The following RSBN1L variants were observed in gnomAD, a reference collection of about 807,000 sequenced individuals.
RSBN1L encodes lysine-specific demethylase RSBN1L.
A neutral mutation model predicts 67.7 loss-of-function variants in RSBN1L; 30 were observed. The ratio of observed to expected loss-of-function variants is 0.44; its 90% CI spans 0.33 to 0.60. The LOEUF (loss-of-function observed/expected upper bound fraction) is 0.60, where lower values mean the gene tolerates loss of function less well. RSBN1L is among the 20% of genes least tolerant of loss of function. The probability of loss-of-function intolerance (pLI) is 0.02; values close to 1 mark genes in which losing one functional copy is unlikely to be tolerated. For missense variants in RSBN1L, 992 were observed against 1,031.7 expected (o/e 0.96, Z 0.53); for synonymous variants, 433 against 387.0 (o/e 1.12, Z -1.39).
rs1439301596 is a variant in RSBN1L at position 77,765,596 on chromosome 7, G to A, written c.1446G>A (p.Glu482=). Reference sequence around the variant, plus strand: ...AAGAAGTAGGAGATTATTTCCCTGAGTTCCTTGACATGTTGGAAGAGTCAC... The same window carrying A: ...AAGAAGTAGGAGATTATTTCCCTGAATTCCTTGACATGTTGGAAGAGTCAC... ...VDEEVGDYFP[E]FLDMLEESPF... Residue 482 remains glutamate (E), a synonymous_variant, in exon 4 of 8, where the codon GAG becomes GAA. Transcript: ENST00000334955. The A allele has an allele frequency of 6.2e-7, 1 of 1,609,940 alleles. No individual in the cohort carries two copies. Among genetic ancestry groups the A allele is most frequent in the Non-Finnish European group, 8.5e-7 (1 of 1,177,526 alleles).
At chr7:77,743,053 A>G (rs1791434335) in intron 2 of RSBN1L, among the ~76,000 whole-genome samples, 1 of 110,088 alleles carries the variant, frequency 9.1e-6, no homozygotes, top group Non-Finnish European at 1.8e-5. Context: ...ATAGTTTTCC[A>G]TGGGAATTTT....
At position 77,707,021 on chromosome 7, in the gene RSBN1L, G is replaced by C. The variant is rs1790901306; in HGVS notation, c.586+9966G>C. 1.4e-5 allele frequency among the ~76,000 whole-genome samples: 2 copies of C among 146,816 alleles called. 1 individual carries two copies. On this transcript the variant is annotated intron_variant, in intron 1 of 7. Coordinates refer to ENST00000334955, the MANE Select transcript of RSBN1L (RefSeq NM_198467.3). ...ACCCGTATGAATTCCCATTAAACTA[G>C]ATTTTTTTTTTTTTTTTTTTGAAAC...
At chr7:77,765,696 G>C in intron 4 of RSBN1L, 64 bp downstream of exon 4, 1 of 1,143,498 alleles carries the variant, frequency 8.7e-7, no homozygotes, top group Non-Finnish European at 1.2e-6. Context: ...AAACCAATAT[G>C]AGTAATCTAA....
At chr7:77,702,433 C>G (rs902996398) in intron 1 of RSBN1L, among the ~76,000 whole-genome samples, 2 of 151,884 alleles carry the variant, frequency 1.3e-5, no homozygotes, top group African/African-American at 4.8e-5. Context: ...TTTGGTTTTT[C>G]TTACTTATTT....
chr7:77,767,062 T>TTTCCCCTTCCCTTCCCC (rs1415176902), intron 4 of RSBN1L, among the ~76,000 whole-genome samples: 1 of 103,560 alleles, frequency 9.7e-6, no homozygotes, highest in Non-Finnish European at 1.9e-5. Context: ...TCCCCTTCCC[T>TTTCCCCTTCCCTTCCCC]TTCCCCTTCC....
chr7:77,756,709 C>T (rs1791623309), intron 3 of RSBN1L, among the ~76,000 whole-genome samples: 2 of 152,018 alleles, frequency 1.3e-5, no homozygotes, highest in Non-Finnish European at 1.5e-5. Flanking sequence ...ATCCAGGAGG[C>T]GGAGGGTGCA....
chr7:77,763,016 C>G (rs1791715277), intron 3 of RSBN1L, among the ~76,000 whole-genome samples: 1 of 152,058 alleles, frequency 6.6e-6, no homozygotes, highest in South Asian at 2.1e-4. Flanking sequence ...TAGAATGAAC[C>G]AACTCAGTGG....
At position 77,781,897 on chromosome 7, in the gene RSBN1L, A is replaced by G. The variant is rs528648254; in HGVS notation, c.*2729A>G. The G allele has an allele frequency of 6.9e-6, 1 of 145,690 alleles. No homozygotes were observed. The highest frequency in any genetic ancestry group is 2.1e-4 in the East Asian group (1 of 4,782). 9.0% of individuals were successfully genotyped at this position (145,690 alleles called of 1,614,324 possible). A position where few individuals can be genotyped will look rare whatever the true frequency, so the allele number is the denominator to read the frequency against. On this transcript the variant is annotated 3_prime_UTR_variant, in exon 8 of 8. Coordinates refer to ENST00000334955, the MANE Select transcript of RSBN1L (RefSeq NM_198467.3). ...CTACTTGGGAGGCTGAGGCAGGGGA[A>G]TTGCTTGAACCCGGGAGGAGAAGGT... is the stretch of plus-strand genomic sequence containing the variant.
At chr7:77,704,257 A>C (rs1233460555) in intron 1 of RSBN1L, among the ~76,000 whole-genome samples, 1 of 152,216 alleles carries the variant, frequency 6.6e-6, no homozygotes, top group Admixed American at 6.5e-5. Flanking sequence ...CAGAAGTTTT[A>C]AGTTGATTAT....
At chr7:77,751,681 A>G (rs898643336) in intron 3 of RSBN1L, among the ~76,000 whole-genome samples, 2 of 152,188 alleles carry the variant, frequency 1.3e-5, no homozygotes, top group Non-Finnish European at 2.9e-5. Context: ...TGTGCCAAGG[A>G]CTAGTTGTTC....
intron 5 of RSBN1L, 115 bp from the exon 6 acceptor site, chr7:77,773,032 G>T: frequency 1.8e-6 from 1 of 547,430 alleles, no homozygotes; most frequent in Admixed American, 3.5e-5. Flanking sequence ...TTTAAAGATA[G>T]AATTTGATTT....
At chr7:77,714,491 T>C (rs1331761204) in intron 1 of RSBN1L, among the ~76,000 whole-genome samples, 3 of 152,238 alleles carry the variant, frequency 2.0e-5, no homozygotes, top group Non-Finnish European at 2.9e-5. Context: ...TCACTTGTTA[T>C]ATTACTTTTG....
chr7:77,736,840 A>G (rs959174291), intron 2 of RSBN1L, among the ~76,000 whole-genome samples: 1 of 152,174 alleles, frequency 6.6e-6, no homozygotes, highest in African/African-American at 2.4e-5. Flanking sequence ...TCTAAAAGGA[A>G]GAAATTAAGA....
intron 1 of RSBN1L, among the ~76,000 whole-genome samples, chr7:77,733,473 T>C (rs1192708873): frequency 6.6e-6 from 1 of 152,238 alleles, no homozygotes; most frequent in African/African-American, 2.4e-5. Context: ...TTATTTAATA[T>C]CATACCCGAG....
intron 1 of RSBN1L, among the ~76,000 whole-genome samples, chr7:77,729,261 G>T (rs971942160): frequency 6.6e-6 from 1 of 152,188 alleles, no homozygotes; most frequent in African/African-American, 2.4e-5. Context: ...TATGGCTGCA[G>T]TTGGAAGGAG....
intron 1 of RSBN1L, among the ~76,000 whole-genome samples, chr7:77,718,226 G>C (rs931553437): frequency 3.3e-5 from 5 of 152,184 alleles, no homozygotes; most frequent in Non-Finnish European, 5.9e-5. Flanking sequence ...GCGTTTGATT[G>C]TGTTTATAGC....
rs1790736241 is a variant in RSBN1L at position 77,696,811 on chromosome 7, C to T, written c.342C>T (p.Ser114=). 1 of 1,613,614 alleles carries T rather than the reference C, an allele frequency of 6.2e-7. No individual in the cohort carries two copies. The highest frequency in any genetic ancestry group is 1.3e-5 in the African/African-American group (1 of 74,944). The change falls in exon 1 of 8, where the codon TCC becomes TCT. Residue 114 remains serine (S), a synonymous_variant. Transcript: ENST00000334955. The stretch of plus-strand genomic sequence containing the variant: ...TCTCCGCTGGCACGGCCGTTCCCTC[C>T]TCAGCCTCCGCTTCCTTGTCTCAGC... The part of the protein sequence containing the change: ...FSFSAGTAVP[S]SASASLSQPV...
intron 3 of RSBN1L, among the ~76,000 whole-genome samples, chr7:77,756,757 C>T (rs899239941): frequency 6.6e-6 from 1 of 152,052 alleles, no homozygotes; most frequent in South Asian, 2.1e-4. Context: ...CCAGCCTGGA[C>T]GACAGAGTGA....
chr7:77,779,028 G>C lies in RSBN1L; in HGVS notation c.2401G>C (p.Asp801His), dbSNP rs1584308339. 6.2e-7 allele frequency: 1 copy of C among 1,614,028 alleles called. No homozygotes were observed. Among genetic ancestry groups the C allele is most frequent in the Non-Finnish European group, 8.5e-7 (1 of 1,179,958 alleles). Residue 801 changes from aspartate to histidine, a missense_variant, in exon 8 of 8, where the codon GAC (aspartate) becomes CAC (histidine). This residue lies in a region of RSBN1L where 199 missense variants were observed against 167.7 expected (regional missense o/e 1.19). Coordinates refer to ENST00000334955, the MANE Select transcript of RSBN1L (RefSeq NM_198467.3). ...DHVQFAEFKI[D>H]MDSKFENSNK... The stretch of plus-strand genomic sequence containing the variant: ...TGTTCAATTTGCAGAATTTAAGATT[G>C]ACATGGATTCTAAATTTGAAAATAG...
Sources: allele counts gnomAD v4.1 joint callset (sites outside exome capture counted in the v4.1 genomes callset), GRCh38; gene constraint gnomAD v4.1.1; regional missense constraint gnomAD v4.1.1; transcripts MANE v1.5; gene names NCBI Gene and HGNC (gene_info 2026-07-23, HGNC 2026-07-21).